DGKB: variants seen among roughly 807,000 people sequenced by gnomAD.
DGKB encodes diacylglycerol kinase beta.
DGKB carries 67 observed loss-of-function variants against 114.3 expected under a neutral mutation model. That is an observed-to-expected ratio of 0.59 (90% CI 0.48 to 0.72). DGKB has a LOEUF of 0.72. DGKB is among the 30% of genes least tolerant of loss of function. The pLI is 0.00. For missense variants in DGKB, 907 were observed against 975.2 expected (o/e 0.93, Z 0.93); for synonymous variants, 398 against 323.1 (o/e 1.23, Z -2.49).
intron 2 of DGKB, among the ~76,000 whole-genome samples, chr7:14,771,497 G>C (rs1347034060): frequency 6.6e-6 from 1 of 151,974 alleles, no homozygotes; most frequent in Non-Finnish European, 1.5e-5. Context: ...TTTGATGAAG[G>C]ATTAATTAAA....
chr7:14,335,868 C>A (rs1157994658), intron 23 of DGKB, among the ~76,000 whole-genome samples: 1 of 152,090 alleles, frequency 6.6e-6, no homozygotes, highest in Non-Finnish European at 1.5e-5. Context: ...ATTGTCCCTC[C>A]TCAGCCTTCT....
At chr7:14,441,944 A>G (rs1205387634) in intron 21 of DGKB, among the ~76,000 whole-genome samples, 1 of 152,022 alleles carries the variant, frequency 6.6e-6, no homozygotes, top group African/African-American at 2.4e-5. Context: ...ATACATACAT[A>G]TCAGGATATG....
rs534720907 is a variant in DGKB at position 14,477,001 on chromosome 7, T to C, written c.1835+1160A>G. ...TCCCGACCTCATGATCTGCCCGCCT[T>C]GGCCTCCCAAAGTGCTGGGATTACA... is the stretch of plus-strand genomic sequence containing the variant. On this transcript the variant is annotated intron_variant, in intron 21 of 25. Transcript: ENST00000402815. Among the ~76,000 whole-genome samples the C allele has an allele frequency of 1.3e-4, 20 of 152,106 alleles. 1 individual carries two copies. In the East Asian group the frequency reaches 3.9e-3, roughly 30 times the overall value.
intron 1 of DGKB, among the ~76,000 whole-genome samples, chr7:14,920,971 T>A (rs1397877311): frequency 6.6e-6 from 1 of 152,146 alleles, no homozygotes; most frequent in East Asian, 1.9e-4. Flanking sequence ...CCACTCTAGG[T>A]TCAGGGACAC....
chr7:14,671,570 G>C (rs1818970240), intron 13 of DGKB, among the ~76,000 whole-genome samples: 1 of 152,062 alleles, frequency 6.6e-6, no homozygotes, highest in South Asian at 2.1e-4. Flanking sequence ...AGAAGTGATA[G>C]CATAATAAAA....
intron 20 of DGKB, among the ~76,000 whole-genome samples, chr7:14,550,909 A>G (rs1795011788): frequency 6.6e-6 from 1 of 152,204 alleles, no homozygotes; most frequent in African/African-American, 2.4e-5. Context: ...TCAAAGCCCA[A>G]TTATATTCAT....
chr7:14,257,790 G>A (rs560688839), intron 23 of DGKB, among the ~76,000 whole-genome samples: 134 of 152,194 alleles, frequency 8.8e-4, no homozygotes, highest in Non-Finnish European at 1.4e-3. Context: ...GCAATGGCAC[G>A]ATTTCAGCTG....
intron 21 of DGKB, among the ~76,000 whole-genome samples, chr7:14,415,887 ACAGTGTAAAAGTGTTCCTATTTCTC>A (rs1246912299): frequency 2.0e-5 from 3 of 152,168 alleles, no homozygotes; most frequent in African/African-American, 7.2e-5. Context: ...AGTCCCACCT[ACAGTGTAAAAGTGTTCCTATTTCTC>A]CACATCCTCT....
At chr7:14,256,282 G>T (rs1795955855) in intron 23 of DGKB, among the ~76,000 whole-genome samples, 2 of 151,112 alleles carry the variant, frequency 1.3e-5, no homozygotes, top group East Asian at 1.9e-4. Context: ...TTCTTTCCTG[G>T]GACTTCTTTC....
intron 2 of DGKB, among the ~76,000 whole-genome samples, chr7:14,816,115 GA>G (rs1228024315): frequency 2.0e-5 from 3 of 152,166 alleles, no homozygotes; most frequent in African/African-American, 4.8e-5. Context: ...CAGATCACTT[GA>G]GGTCAGGAGG....
intron 5 of DGKB, 142 bp from the exon 6 acceptor site, chr7:14,718,827 C>G: frequency 1.6e-6 from 1 of 628,136 alleles, no homozygotes; most frequent in Non-Finnish European, 2.7e-6. Flanking sequence ...TCTGTAAGAT[C>G]GGTACAGCAG....
rs1011755021 is a variant in DGKB at position 14,959,051 on chromosome 7, T to G, written c.-188+15645A>C. Among the ~76,000 whole-genome samples, 3 of 152,224 alleles carry G rather than the reference T, an allele frequency of 2.0e-5. No homozygotes were observed. In the East Asian group the frequency reaches 5.8e-4, roughly 30 times the overall value. Reference sequence around the variant, plus strand: ...TATTGATTTGGTGTTTTATATGATATTTTGTTTGGGATTTTATTGTTGTAT... The same window carrying G: ...TATTGATTTGGTGTTTTATATGATAGTTTGTTTGGGATTTTATTGTTGTAT... On this transcript the variant is annotated intron_variant, in intron 1 of 4. Coordinates refer to the DGKB transcript ENST00000437998.
rs115356281 is a variant in DGKB at position 14,865,783 on chromosome 7, G to A, written c.-187-24333C>T. ...GGAGAGATAATTACTCCGAAAGCAC[G>A]TGCTGAGTAAAAAGAAGACCATGAA... On this transcript the variant is annotated intron_variant, in intron 1 of 25. Coordinates refer to ENST00000402815, the MANE Select transcript of DGKB (RefSeq NM_001350709.2). Among the ~76,000 whole-genome samples, 338 of 152,242 alleles carry A rather than the reference G, an allele frequency of 2.2e-3. 1 individual carries two copies. Among genetic ancestry groups the A allele is most frequent in the African/African-American group, 7.8e-3 (326 of 41,560 alleles).
At chr7:14,972,060 T>G (rs1338371451) in intron 1 of DGKB, among the ~76,000 whole-genome samples, 1 of 152,138 alleles carries the variant, frequency 6.6e-6, no homozygotes, top group African/African-American at 2.4e-5. Flanking sequence ...GAAGGCATTT[T>G]TAAAGAAACT....
At chr7:14,703,422 C>A (rs781552430) in intron 6 of DGKB, among the ~76,000 whole-genome samples, 35 of 152,182 alleles carry the variant, frequency 2.3e-4, no homozygotes, top group Non-Finnish European at 5.0e-4. Context: ...TCATTACTGA[C>A]AGTGTCTGAA....
intron 20 of DGKB, among the ~76,000 whole-genome samples, chr7:14,522,748 G>A (rs541278014): frequency 9.8e-5 from 15 of 152,308 alleles, no homozygotes; most frequent in African/African-American, 3.6e-4. Flanking sequence ...TTTTTGACAA[G>A]TTTGTCCAGC....
chr7:14,272,165 A>G (rs1798359201), intron 23 of DGKB, among the ~76,000 whole-genome samples: 2 of 152,122 alleles, frequency 1.3e-5, no homozygotes, highest in South Asian at 2.1e-4. Context: ...TTTATATGCT[A>G]TTTTTCATAA....
At chr7:14,539,426 A>G (rs12670458) in intron 20 of DGKB, among the ~76,000 whole-genome samples, 56,353 of 151,924 alleles carry the variant, frequency 0.37, 10,880 homozygotes, top group Admixed American at 0.48. Context: ...AGCTTAATCA[A>G]TATGGCAAAA....
intron 21 of DGKB, among the ~76,000 whole-genome samples, chr7:14,465,292 T>C (rs1213672033): frequency 6.6e-6 from 1 of 152,030 alleles, no homozygotes. Context: ...TATAGAACTA[T>C]AATAAATATT....
Sources: allele counts gnomAD v4.1 joint callset (sites outside exome capture counted in the v4.1 genomes callset), GRCh38; gene constraint gnomAD v4.1.1; transcripts MANE v1.5; gene names NCBI Gene and HGNC (gene_info 2026-07-23, HGNC 2026-07-21).